Variants in KLF12 observed in about 807,000 individuals in gnomAD.
The protein encoded by KLF12 is Krueppel-like factor 12.
In KLF12, 9 loss-of-function variants were observed where a neutral mutation model predicts 37.8. The observed-to-expected ratio is 0.24, with a 90% CI of 0.14 to 0.42. The LOEUF is 0.42. Ranked by LOEUF, KLF12 falls within the 10% of genes least tolerant of loss-of-function variation. KLF12 has a pLI of 1.00. For missense variants in KLF12, 411 were observed against 516.0 expected (o/e 0.80, Z 1.97); for synonymous variants, 208 against 202.1 (o/e 1.03, Z -0.25).
chr13:74,244,011 G>A, the KLF12 span, among the ~76,000 whole-genome samples: 1 of 152,170 alleles, frequency 6.6e-6, no homozygotes. Context: ...TTACTAATAT[G>A]AGTATCGGAA....
intron 2 of KLF12, among the ~76,000 whole-genome samples, chr13:73,979,887 T>C (rs1014434452): frequency 2.0e-4 from 30 of 152,112 alleles, no homozygotes; most frequent in South Asian, 1.5e-3. Flanking sequence ...AGATCCTACT[T>C]CAATGGCTGG....
At chr13:73,834,467 T>C (rs1884321787) in intron 4 of KLF12, among the ~76,000 whole-genome samples, 1 of 152,246 alleles carries the variant, frequency 6.6e-6, no homozygotes, top group East Asian at 1.9e-4. Context: ...ACTCTTTCTG[T>C]CCCAAGACAT....
chr13:74,048,701 A>G (rs192137272), intron 1 of KLF12, among the ~76,000 whole-genome samples: 14 of 152,250 alleles, frequency 9.2e-5, no homozygotes, highest in African/African-American at 3.1e-4. Context: ...CAGAAAGGGA[A>G]ACTTAAATGG....
At chr13:74,210,096 A>G in the KLF12 span, among the ~76,000 whole-genome samples, 1 of 152,174 alleles carries the variant, frequency 6.6e-6, no homozygotes, top group African/African-American at 2.4e-5. Context: ...ATACCTGGCA[A>G]AACTCAAAAC....
intron 3 of KLF12, among the ~76,000 whole-genome samples, chr13:73,869,050 C>T (rs370970649): frequency 6.6e-6 from 1 of 152,166 alleles, no homozygotes; most frequent in South Asian, 2.1e-4. Context: ...TTGTTAGTTA[C>T]ATATATCTGT....
intron 2 of KLF12, among the ~76,000 whole-genome samples, chr13:73,965,415 G>A (rs1199711414): frequency 2.6e-5 from 4 of 151,614 alleles, no homozygotes; most frequent in African/African-American, 4.9e-5. Context: ...TTCTTCCATC[G>A]GACCTAACTA....
intron 1 of KLF12, among the ~76,000 whole-genome samples, chr13:74,076,042 G>T (rs1874541572): frequency 6.6e-6 from 1 of 152,270 alleles, no homozygotes; most frequent in South Asian, 2.1e-4. Flanking sequence ...TACTTTAAAA[G>T]TAGGTTTTCT....
the KLF12 span, among the ~76,000 whole-genome samples, chr13:74,167,010 C>A: frequency 6.9e-3 from 1,044 of 152,308 alleles, 12 homozygotes; most frequent in African/African-American, 0.024. Context: ...TGTAGACAAA[C>A]AAAACCATAT....
At chr13:73,877,077 T>C (rs1886743602) in intron 3 of KLF12, among the ~76,000 whole-genome samples, 1 of 152,166 alleles carries the variant, frequency 6.6e-6, no homozygotes, top group Non-Finnish European at 1.5e-5. Flanking sequence ...CACATTCTAT[T>C]CCCATTCAAT....
chr13:74,220,949 C>A, the KLF12 span, among the ~76,000 whole-genome samples: 1 of 151,254 alleles, frequency 6.6e-6, no homozygotes, highest in Non-Finnish European at 1.5e-5. Flanking sequence ...TCTGATTTGT[C>A]TAGCCTGCCA....
At chr13:74,129,477 T>C (rs1878140955) in intron 1 of KLF12, among the ~76,000 whole-genome samples, 1 of 152,192 alleles carries the variant, frequency 6.6e-6, no homozygotes, top group African/African-American at 2.4e-5. Context: ...TGGTAGCTTC[T>C]ACAGTCACTG....
At position 73,822,985 on chromosome 13, in the gene KLF12, T is replaced by C. The variant is rs57802250; in HGVS notation, c.671-9698A>G. ...AAACTGAAACTACTATAGGCAGAGA[T>C]GTAAAATAATAATAAAGTGATTTTG... On this transcript the variant is annotated intron_variant, in intron 4 of 7. Coordinates refer to ENST00000377669, the MANE Select transcript of KLF12 (RefSeq NM_007249.5). 9.5e-3 allele frequency among the ~76,000 whole-genome samples: 1,451 copies of C among 152,312 alleles called. 28 individuals carry two copies. Among genetic ancestry groups the C allele is most frequent in the African/African-American group, 0.033 (1,360 of 41,566 alleles).
the KLF12 span, among the ~76,000 whole-genome samples, chr13:74,165,981 C>T: frequency 0.1 from 15,915 of 151,750 alleles, 867 homozygotes; most frequent in South Asian, 0.16. Context: ...AGACTTGTTA[C>T]ATCTATGAGA....
intron 1 of KLF12, among the ~76,000 whole-genome samples, chr13:74,006,619 C>T (rs542539118): frequency 1.1e-4 from 17 of 152,334 alleles, no homozygotes; most frequent in African/African-American, 3.8e-4. Context: ...AAGGAGACAG[C>T]AGCACTTCCA....
At chr13:73,942,396 T>C (rs1164831226) in intron 3 of KLF12, among the ~76,000 whole-genome samples, 1 of 152,108 alleles carries the variant, frequency 6.6e-6, no homozygotes, top group African/African-American at 2.4e-5. Flanking sequence ...CCAGGCTCTA[T>C]ATGAGCTGAG....
intron 1 of KLF12, among the ~76,000 whole-genome samples, chr13:74,074,165 T>C (rs903386217): frequency 2.0e-5 from 3 of 152,158 alleles, no homozygotes; most frequent in Non-Finnish European, 2.9e-5. Context: ...AGAGAGTGTG[T>C]GTGTGTGTAC....
At chr13:74,097,007 T>C (rs190614613) in intron 1 of KLF12, among the ~76,000 whole-genome samples, 1 of 152,168 alleles carries the variant, frequency 6.6e-6, no homozygotes. Flanking sequence ...TCCCCTTGGG[T>C]AAATTAAAAT....
chr13:73,797,641 G>A (rs1168917929), intron 5 of KLF12, among the ~76,000 whole-genome samples: 1 of 151,898 alleles, frequency 6.6e-6, no homozygotes, highest in Non-Finnish European at 1.5e-5. Context: ...ATGGTGACAT[G>A]CACCTGTAAT....
chr13:73,887,733 A>AC (rs1887300485), intron 3 of KLF12, among the ~76,000 whole-genome samples: 1 of 149,132 alleles, frequency 6.7e-6, no homozygotes. Context: ...TACAAAAAAA[A>AC]CACACAAATT....
Sources: allele counts gnomAD v4.1 joint callset (sites outside exome capture counted in the v4.1 genomes callset), GRCh38; gene constraint gnomAD v4.1.1; transcripts MANE v1.5; gene names NCBI Gene and HGNC (gene_info 2026-07-23, HGNC 2026-07-21).